STOM: variants seen among roughly 807,000 people sequenced by gnomAD.
The protein encoded by STOM is stomatin, also known as erythrocyte band 7 integral membrane protein.
STOM carries 25 observed loss-of-function variants against 30.6 expected under a neutral mutation model. The observed-to-expected ratio is 0.82, with a 90% CI of 0.60 to 1.14. The LOEUF is 1.14. STOM is among the 50% of genes most tolerant of loss of function. STOM has a pLI of 0.00. For missense variants in STOM, 292 were observed against 365.2 expected (o/e 0.80, Z 1.63); for synonymous variants, 118 against 130.8 (o/e 0.90, Z 0.67).
rs1406325418 is a variant in STOM, at chr9:121,339,679, C to T, written c.*1523G>A. 2.8e-5 allele frequency: 35 copies of T among 1,231,474 alleles called. No individual in the cohort carries two copies. The Admixed American group carries it at 6.8e-4, about 24-fold the overall frequency. The allele number at this position is 1,231,474 out of a possible 1,614,324, so 76.3% of individuals were successfully genotyped here. On this transcript the variant is annotated 3_prime_UTR_variant, in exon 7 of 7. Coordinates refer to ENST00000286713, the MANE Select transcript of STOM (RefSeq NM_004099.6). ...ACCCGCCAGCTTTCTGGCCAGTAAG[C>T]AGAATGCCAGGTTGCTCAGATTCAC...
At chr9:121,368,777 C>T (rs991245473) in intron 1 of STOM, among the ~76,000 whole-genome samples, 2 of 151,774 alleles carry the variant, frequency 1.3e-5, no homozygotes, top group African/African-American at 4.8e-5. Flanking sequence ...CCTGTATCTA[C>T]AAAAAATACA....
In STOM at chr9:121,340,891, T is replaced by C; in HGVS notation, c.*311A>G. 1 of 1,180,076 alleles carries C rather than the reference T, an allele frequency of 8.5e-7. No homozygotes were observed. The allele number at this position is 1,180,076 out of a possible 1,614,324, so 73.1% of individuals were successfully genotyped here. ...GGCAGTTACAGCCCAGGTTCTTGCC[T>C]CTGGCCTGGGTGCTTAGGGGGTTCA... On this transcript the variant is annotated 3_prime_UTR_variant, in exon 7 of 7. Transcript: ENST00000286713.
chr9:121,356,689 A>T (rs529640412), intron 1 of STOM, among the ~76,000 whole-genome samples: 8 of 152,194 alleles, frequency 5.3e-5, no homozygotes, highest in Non-Finnish European at 4.4e-5. Context: ...ATATCGACGA[A>T]AAGAAAGTGG....
At chr9:121,362,067 A>T (rs1472944072) in intron 1 of STOM, among the ~76,000 whole-genome samples, 3 of 152,176 alleles carry the variant, frequency 2.0e-5, no homozygotes, top group African/African-American at 7.2e-5. Flanking sequence ...AAATGGCAGT[A>T]GAATAAACTT....
chr9:121,350,675 C>T (rs1261374298), intron 4 of STOM, among the ~76,000 whole-genome samples: 4 of 152,150 alleles, frequency 2.6e-5, no homozygotes, highest in East Asian at 1.9e-4. Flanking sequence ...TGTGAGATGG[C>T]GCTAATAATA....
chr9:121,342,937 C>T (rs1296324296), intron 6 of STOM, among the ~76,000 whole-genome samples: 1 of 152,138 alleles, frequency 6.6e-6, no homozygotes, highest in Non-Finnish European at 1.5e-5. Flanking sequence ...TAACATTTAC[C>T]AGCCGAATGT....
intron 2 of STOM, 48 bp from the exon 3 acceptor site, chr9:121,354,721 A>G (rs2064369496): frequency 7.2e-7 from 1 of 1,383,986 alleles, no homozygotes; most frequent in South Asian, 1.2e-5. Flanking sequence ...GTACAAATAT[A>G]TACATGCATG....
chr9:121,340,989 A>G lies in STOM; in HGVS notation c.*213T>C. 3.6e-6 allele frequency: 5 copies of G among 1,404,214 alleles called. No individual in the cohort carries two copies. The highest frequency in any genetic ancestry group is 4.6e-6 in the Non-Finnish European group (5 of 1,082,204). 87.0% of individuals were successfully genotyped at this position (1,404,214 alleles called of 1,614,324 possible). On this transcript the variant is annotated 3_prime_UTR_variant, in exon 7 of 7. Transcript: ENST00000286713. ...AATAATCTAAAAATACAAACTTTTA[A>G]CTATTTTAAGACTAACAGATTACCT...
At chr9:121,357,552 G>A (rs999011412) in intron 1 of STOM, among the ~76,000 whole-genome samples, 6 of 150,892 alleles carry the variant, frequency 4.0e-5, no homozygotes, top group East Asian at 2.0e-4. Context: ...CGATTCTCCC[G>A]TCTCAATCTC....
At chr9:121,354,854 T>C (rs1249354299) in intron 2 of STOM, among the ~76,000 whole-genome samples, 181 bp from the exon 3 acceptor site, 1 of 152,234 alleles carries the variant, frequency 6.6e-6, no homozygotes, top group Non-Finnish European at 1.5e-5. Flanking sequence ...TTTATTATTT[T>C]CTTACTGATT....
chr9:121,356,266 G>T, intron 1 of STOM, 110 bp from the exon 2 acceptor site: 1 of 811,070 alleles, frequency 1.2e-6, no homozygotes, highest in Non-Finnish European at 1.9e-6. Flanking sequence ...TACACCAGCT[G>T]TTTTACATGA....
At chr9:121,351,991 A>T (rs1564629403) in intron 4 of STOM, among the ~76,000 whole-genome samples, 1 of 152,230 alleles carries the variant, frequency 6.6e-6, no homozygotes, top group Non-Finnish European at 1.5e-5. Flanking sequence ...CCCATAGAAG[A>T]GAAATGTGGT....
chr9:121,363,393 T>G (rs2064472524), intron 1 of STOM, among the ~76,000 whole-genome samples: 1 of 152,202 alleles, frequency 6.6e-6, no homozygotes, highest in Non-Finnish European at 1.5e-5. Context: ...CAGGATTAAG[T>G]GTTACTTTTG....
intron 6 of STOM, among the ~76,000 whole-genome samples, chr9:121,343,047 T>C (rs1332041843): frequency 1.3e-5 from 2 of 152,188 alleles, no homozygotes; most frequent in Non-Finnish European, 2.9e-5. Context: ...ACAGAGAAAG[T>C]ATATAAAGTG....
chr9:121,366,753 C>T (rs1446713360), intron 1 of STOM, among the ~76,000 whole-genome samples: 2 of 152,034 alleles, frequency 1.3e-5, no homozygotes, highest in Non-Finnish European at 2.9e-5. Flanking sequence ...GTACTTGATA[C>T]TGGGCTACTA....
chr9:121,347,312 C>T (rs1248829301), intron 6 of STOM, among the ~76,000 whole-genome samples: 1 of 152,200 alleles, frequency 6.6e-6, no homozygotes, highest in African/African-American at 2.4e-5. Flanking sequence ...AAATTTTACA[C>T]ATTATCATCT....
chr9:121,366,515 CCAGA>C (rs2064505083), intron 1 of STOM, among the ~76,000 whole-genome samples: 1 of 151,778 alleles, frequency 6.6e-6, no homozygotes. Flanking sequence ...TAATATAAAC[CCAGA>C]CAAATAGTCT....
chr9:121,346,970 C>T (rs982997986), intron 6 of STOM, among the ~76,000 whole-genome samples: 5 of 152,228 alleles, frequency 3.3e-5, no homozygotes, highest in Non-Finnish European at 5.9e-5. Flanking sequence ...AAGTCCACAG[C>T]AACTCCTCCT....
In STOM at chr9:121,365,490, TTC is replaced by T. The variant is rs1491023547; in HGVS notation, c.61+4635_61+4636del. Among the ~76,000 whole-genome samples the T allele has an allele frequency of 7.2e-3, 1,089 of 151,758 alleles. 15 individuals carry two copies. Among genetic ancestry groups the T allele is most frequent in the African/African-American group, 0.025 (1,038 of 41,420 alleles). On this transcript the variant is annotated intron_variant, in intron 1 of 6. Transcript: ENST00000286713. Reference sequence around the variant, plus strand: ...CCCACTTTTTAGGTTTTTTTTTTTTTTCCCAGCTCTTTTACTTGGACATCTTA... The same window carrying T: ...CCCACTTTTTAGGTTTTTTTTTTTTTCCAGCTCTTTTACTTGGACATCTTA...
Sources: gnomAD v4.1 joint callset for allele counts (sites outside exome capture counted in the v4.1 genomes callset) on GRCh38, gnomAD v4.1.1 for gene constraint, MANE v1.5 for transcripts, NCBI Gene and HGNC (gene_info 2026-07-23, HGNC 2026-07-21) for gene names.